Variants in PXDNL observed in about 807,000 individuals in gnomAD.
The protein encoded by PXDNL is peroxidasin like, also known as probable oxidoreductase PXDNL.
In PXDNL, 145 loss-of-function variants were observed where a neutral mutation model predicts 150.8. That is an observed-to-expected ratio of 0.96 (90% confidence interval 0.84 to 1.10). The LOEUF is 1.10. Ranked by LOEUF, PXDNL falls within the 50% of genes least tolerant of loss-of-function variation. The pLI, the probability that PXDNL is intolerant of heterozygous loss-of-function variation, is 0.00. For synonymous variants in PXDNL, 757 were observed against 725.7 expected (o/e 1.04, Z -0.69); for missense variants, 2,087 against 1,873.9 (o/e 1.11, Z -2.10).
chr8:51,762,945 T>C (rs1290586225), intron 1 of PXDNL, among the ~76,000 whole-genome samples: 1 of 152,238 alleles, frequency 6.6e-6, no homozygotes, highest in African/African-American at 2.4e-5. Context: ...TTTCTTGAGA[T>C]ATACTTTGCA....
intron 4 of PXDNL, among the ~76,000 whole-genome samples, chr8:51,534,480 T>TG (rs1190267755): frequency 4.3e-5 from 2 of 46,958 alleles, no homozygotes; most frequent in African/African-American, 1.5e-4. Flanking sequence ...GGGAGGGAGG[T>TG]GGGGGGGTCA....
chr8:51,479,227 C>A (rs1455475383), intron 6 of PXDNL, among the ~76,000 whole-genome samples: 1 of 152,186 alleles, frequency 6.6e-6, no homozygotes, highest in Non-Finnish European at 1.5e-5. Context: ...CACTTCAAGA[C>A]TTTCTCTGAG....
chr8:51,367,370 A>G (rs1806954352), intron 19 of PXDNL, among the ~76,000 whole-genome samples: 1 of 152,146 alleles, frequency 6.6e-6, no homozygotes, highest in African/African-American at 2.4e-5. Context: ...ATTAAAATGA[A>G]CTTGAGATAA....
At chr8:51,566,533 G>C (rs1460396146) in intron 3 of PXDNL, among the ~76,000 whole-genome samples, 1 of 151,690 alleles carries the variant, frequency 6.6e-6, no homozygotes, top group Non-Finnish European at 1.5e-5. Flanking sequence ...TGTCTTTCAA[G>C]AAATTAGTCC....
chr8:51,446,316 C>T (rs1809670971), intron 12 of PXDNL, among the ~76,000 whole-genome samples: 1 of 152,198 alleles, frequency 6.6e-6, no homozygotes, highest in Non-Finnish European at 1.5e-5. Flanking sequence ...GAAATTATAT[C>T]AAAATGTAAA....
intron 19 of PXDNL, among the ~76,000 whole-genome samples, chr8:51,363,832 A>C (rs1586036382): frequency 6.6e-6 from 1 of 152,172 alleles, no homozygotes; most frequent in East Asian, 1.9e-4. Flanking sequence ...TCCCATGCAC[A>C]AGGGCTGATG....
chr8:51,327,647 A>G (rs1805554565), intron 21 of PXDNL, among the ~76,000 whole-genome samples: 1 of 152,206 alleles, frequency 6.6e-6, no homozygotes, highest in African/African-American at 2.4e-5. Flanking sequence ...CATAAACCTG[A>G]AGAACCACAT....
intron 2 of PXDNL, among the ~76,000 whole-genome samples, chr8:51,599,016 T>C (rs1813634697): frequency 1.3e-5 from 2 of 152,180 alleles, no homozygotes; most frequent in Admixed American, 1.3e-4. Context: ...TTCTAGTTTG[T>C]GTATATAGAG....
At chr8:51,538,712 G>A (rs1812144346) in intron 4 of PXDNL, among the ~76,000 whole-genome samples, 1 of 152,126 alleles carries the variant, frequency 6.6e-6, no homozygotes, top group Non-Finnish European at 1.5e-5. Flanking sequence ...GGTTGCATGA[G>A]CCGAGATCGT....
intron 3 of PXDNL, among the ~76,000 whole-genome samples, chr8:51,566,958 C>T (rs186435640): frequency 1.6e-3 from 243 of 151,616 alleles, no homozygotes; most frequent in African/African-American, 5.2e-3. Context: ...TAACTGCATC[C>T]CGCGAAATCT....
At position 51,533,787 on chromosome 8, in the gene PXDNL, C is replaced by T. The variant is rs547241471; in HGVS notation, c.380+23053G>A. ...CAGACGGAGTCTCGTTCACTCAGTG[C>T]TCAATGGTGCCCAGGCTGGAGTGCA... is the stretch of plus-strand genomic sequence containing the variant. On this transcript the variant is annotated intron_variant, in intron 4 of 22. Transcript: ENST00000356297. Among the ~76,000 whole-genome samples the T allele has an allele frequency of 1.8e-3, 267 of 150,890 alleles. 3 individuals are homozygous for T. Among genetic ancestry groups the T allele is most frequent in the African/African-American group, 6.0e-3 (246 of 40,794 alleles).
intron 1 of PXDNL, among the ~76,000 whole-genome samples, chr8:51,691,541 A>G (rs1055156490): frequency 6.6e-6 from 1 of 152,178 alleles, no homozygotes; most frequent in Non-Finnish European, 1.5e-5. Flanking sequence ...ACAAACATTT[A>G]CAAGTAAGTT....
At chr8:51,744,255 A>G (rs976541908) in intron 1 of PXDNL, among the ~76,000 whole-genome samples, 3 of 144,700 alleles carry the variant, frequency 2.1e-5, no homozygotes, top group Non-Finnish European at 4.5e-5. Flanking sequence ...GAGGAAAAGA[A>G]AGAAAAGAGA....
In PXDNL at chr8:51,644,337, TACACAC is replaced by T. The variant is rs371179403; in HGVS notation, c.236+10346_236+10351del. On this transcript the variant is annotated intron_variant, in intron 2 of 22. Transcript: ENST00000356297. Reference sequence around the variant, plus strand: ...ACATTTTTACATATATATATATATATACACACACACACACACACACACACACATATG... The same window carrying T: ...ACATTTTTACATATATATATATATATACACACACACACACACACACATATG... Among the ~76,000 whole-genome samples the T allele has an allele frequency of 1.2e-3, 60 of 50,176 alleles. 12 individuals are homozygous for T. The highest frequency in any genetic ancestry group is 3.2e-3 in the East Asian group (5 of 1,568). 32.9% of individuals were successfully genotyped at this position (50,176 alleles called of 152,430 possible).
intron 1 of PXDNL, among the ~76,000 whole-genome samples, chr8:51,777,316 A>G (rs1047799480): frequency 2.0e-5 from 3 of 152,220 alleles, no homozygotes; most frequent in African/African-American, 4.8e-5. Context: ...GATGGCTGCG[A>G]TAATTAAATG....
At chr8:51,630,207 A>G (rs1341404186) in intron 2 of PXDNL, among the ~76,000 whole-genome samples, 1 of 152,098 alleles carries the variant, frequency 6.6e-6, no homozygotes, top group Non-Finnish European at 1.5e-5. Flanking sequence ...TTCAATAAAT[A>G]ATGCTGGGAT....
intron 3 of PXDNL, among the ~76,000 whole-genome samples, chr8:51,559,342 C>CCCG (rs1207022380): frequency 7.1e-6 from 1 of 141,518 alleles, no homozygotes; most frequent in Non-Finnish European, 1.6e-5. Flanking sequence ...CCCCCCCCCC[C>CCCG]CCGCCACCTT....
chr8:51,585,979 C>G (rs1420011272), intron 3 of PXDNL, among the ~76,000 whole-genome samples: 1 of 152,028 alleles, frequency 6.6e-6, no homozygotes, highest in East Asian at 1.9e-4. Flanking sequence ...TACCTCAACC[C>G]CTGGAAGCCC....
At chr8:51,804,383 T>G (rs2037653927) in intron 1 of PXDNL, among the ~76,000 whole-genome samples, 1 of 152,168 alleles carries the variant, frequency 6.6e-6, no homozygotes, top group African/African-American at 2.4e-5. Context: ...TTTAGCTTAG[T>G]GATTTTTGGG....
Sources: allele counts gnomAD v4.1 joint callset (sites outside exome capture counted in the v4.1 genomes callset), GRCh38; gene constraint gnomAD v4.1.1; transcripts MANE v1.5; gene names NCBI Gene and HGNC (gene_info 2026-07-23, HGNC 2026-07-21).